Variants in CDH20 observed in about 807,000 individuals in gnomAD.
CDH20 encodes cadherin-20.
In CDH20, 29 loss-of-function variants were observed where a neutral mutation model predicts 74.2. The ratio of observed to expected loss-of-function variants is 0.39; its 90% CI spans 0.29 to 0.53. CDH20 has a LOEUF of 0.53. CDH20 is among the 20% of genes least tolerant of loss of function. The pLI is 0.69. For missense variants in CDH20, 988 were observed against 1,048.3 expected (o/e 0.94, Z 0.79); for synonymous variants, 469 against 405.4 (o/e 1.16, Z -1.88).
At chr18:61,390,583 G>A (rs1911747634) in intron 1 of CDH20, among the ~76,000 whole-genome samples, 1 of 152,204 alleles carries the variant, frequency 6.6e-6, no homozygotes, top group Non-Finnish European at 1.5e-5. Context: ...TATAAAAACT[G>A]TGTTACAAAA....
chr18:61,407,622 C>T (rs1912373330), intron 1 of CDH20, among the ~76,000 whole-genome samples: 1 of 152,166 alleles, frequency 6.6e-6, no homozygotes, highest in African/African-American at 2.4e-5. Context: ...TATATCTTTA[C>T]AAGGCATTTA....
intron 1 of CDH20, among the ~76,000 whole-genome samples, chr18:61,480,049 T>C (rs1446408408): frequency 6.6e-6 from 1 of 152,156 alleles, no homozygotes; most frequent in Non-Finnish European, 1.5e-5. Flanking sequence ...AAAGGAAATG[T>C]GAATATAGTC....
intron 1 of CDH20, among the ~76,000 whole-genome samples, chr18:61,395,225 A>G (rs1246176534): frequency 2.0e-5 from 3 of 152,184 alleles, no homozygotes; most frequent in Non-Finnish European, 4.4e-5. Flanking sequence ...TCTGGGTCTG[A>G]GAACTAACAG....
intron 6 of CDH20, among the ~76,000 whole-genome samples, chr18:61,518,478 A>G (rs533152): frequency 1 from 150,730 of 151,198 alleles, 75,157 homozygotes; most frequent in Middle Eastern, 1. Flanking sequence ...AGGCAAACAG[A>G]GTCTGGAGCG....
At chr18:61,515,507 G>A (rs1027003177) in intron 6 of CDH20, among the ~76,000 whole-genome samples, 15 of 151,972 alleles carry the variant, frequency 9.9e-5, no homozygotes, top group Admixed American at 4.6e-4. Flanking sequence ...GTTCCTATTC[G>A]GCCATCTTGG....
At chr18:61,524,836 G>A (rs577016778) in intron 6 of CDH20, among the ~76,000 whole-genome samples, 7 of 152,144 alleles carry the variant, frequency 4.6e-5, no homozygotes, top group African/African-American at 1.4e-4. Flanking sequence ...CAGAAGAGTC[G>A]CCTGAACCCG....
At position 61,539,223 on chromosome 18, in the gene CDH20, T is replaced by C. The variant is rs183858491; in HGVS notation, c.1530+78T>C. On this transcript the variant is annotated intron_variant, in intron 9 of 11. Coordinates refer to ENST00000262717, the MANE Select transcript of CDH20 (RefSeq NM_031891.4). The stretch of plus-strand genomic sequence containing the variant: ...AATTGTTAGATAACCAAATTCACCA[T>C]CAAAGCCATTTTGACTCCAGAAACG... The C allele has an allele frequency of 8.9e-6, 13 of 1,467,614 alleles. No homozygotes were observed. In the Admixed American group the frequency reaches 2.2e-4, roughly 25 times the overall value. 90.9% of individuals were successfully genotyped at this position (1,467,614 alleles called of 1,614,324 possible). A position where few individuals can be genotyped will look rare whatever the true frequency, so the allele number is the denominator to read the frequency against.
intron 1 of CDH20, among the ~76,000 whole-genome samples, chr18:61,428,877 A>G (rs567729338): frequency 6.6e-6 from 1 of 152,346 alleles, no homozygotes; most frequent in South Asian, 2.1e-4. Context: ...GCCATTCCTG[A>G]TACAGGTTTA....
At chr18:61,490,080 T>G (rs1424445367) in intron 1 of CDH20, among the ~76,000 whole-genome samples, 1 of 152,168 alleles carries the variant, frequency 6.6e-6, no homozygotes. Flanking sequence ...TCATAAATAT[T>G]TCAAAGAGCA....
chr18:61,401,813 G>A (rs1385623144), intron 1 of CDH20, among the ~76,000 whole-genome samples: 1 of 152,076 alleles, frequency 6.6e-6, no homozygotes, highest in Non-Finnish European at 1.5e-5. Flanking sequence ...GATTATGAAG[G>A]AGATAAAATT....
intron 10 of CDH20, among the ~76,000 whole-genome samples, chr18:61,547,460 T>C (rs1913291408): frequency 6.6e-6 from 1 of 152,224 alleles, no homozygotes. Flanking sequence ...AGCCTTTTTT[T>C]ACTTTTCAGC....
intron 1 of CDH20, among the ~76,000 whole-genome samples, chr18:61,445,696 C>T (rs781213820): frequency 6.6e-6 from 1 of 152,152 alleles, no homozygotes; most frequent in African/African-American, 2.4e-5. Context: ...TTGCTAAAAC[C>T]CTATTCCAAT....
intron 1 of CDH20, chr18:61,405,340 C>T: frequency 4.5e-6 from 1 of 220,186 alleles, no homozygotes; most frequent in Non-Finnish European, 8.9e-6. Context: ...TTGATCCCAG[C>T]ACTTTGCAAA....
chr18:61,394,346 T>TGTAATTAGTTGTTAAGATGAG (rs1341940626), intron 1 of CDH20, among the ~76,000 whole-genome samples: 33 of 152,204 alleles, frequency 2.2e-4, no homozygotes, highest in Middle Eastern at 3.4e-3. Flanking sequence ...TTCTTACAGA[T>TGTAATTAGTTGTTAAGATGAG]GTAATTAGTT....
chr18:61,395,845 C>T (rs1039709630), intron 1 of CDH20, among the ~76,000 whole-genome samples: 12 of 152,286 alleles, frequency 7.9e-5, no homozygotes, highest in East Asian at 3.9e-4. Context: ...CCATCCTGGC[C>T]AACATGGTGA....
rs975587571 is a variant in CDH20, at chr18:61,452,444, C to T, written c.-152-37958C>T. Reference sequence around the variant, plus strand: ...TCCAACAATTCTCAGTTTTTTCCACCTAGAAATTGATTGTGTTTATTTTCT... The same window carrying T: ...TCCAACAATTCTCAGTTTTTTCCACTTAGAAATTGATTGTGTTTATTTTCT... On this transcript the variant is annotated intron_variant, in intron 1 of 11. Coordinates refer to ENST00000262717, the MANE Select transcript of CDH20 (RefSeq NM_031891.4). 5.9e-4 allele frequency among the ~76,000 whole-genome samples: 90 copies of T among 152,078 alleles called. 1 individual carries two copies. The highest frequency in any genetic ancestry group is 1.2e-4 in the Non-Finnish European group (8 of 67,980).
intron 6 of CDH20, among the ~76,000 whole-genome samples, chr18:61,516,253 C>T (rs1911999670): frequency 6.6e-6 from 1 of 152,186 alleles, no homozygotes; most frequent in Non-Finnish European, 1.5e-5. Context: ...CATTGGGAAA[C>T]TTTTTGCACT....
intron 1 of CDH20, among the ~76,000 whole-genome samples, chr18:61,364,232 G>A (rs1910789065): frequency 6.6e-6 from 1 of 152,180 alleles, no homozygotes; most frequent in Non-Finnish European, 1.5e-5. Context: ...CTAATGGGAG[G>A]TGTTTGGGTC....
chr18:61,409,742 A>C (rs1352876343), intron 1 of CDH20, among the ~76,000 whole-genome samples: 1 of 152,228 alleles, frequency 6.6e-6, no homozygotes, highest in Non-Finnish European at 1.5e-5. Context: ...AACGTAGTAC[A>C]TTAACTAAAC....
Sources: allele counts gnomAD v4.1 joint callset (sites outside exome capture counted in the v4.1 genomes callset), GRCh38; gene constraint gnomAD v4.1.1; transcripts MANE v1.5; gene names NCBI Gene and HGNC (gene_info 2026-07-23, HGNC 2026-07-21).